The following PINX1 variants were observed in gnomAD, a reference collection of about 807,000 sequenced individuals.
PINX1 encodes PIN2/TERF1-interacting telomerase inhibitor 1.
PINX1 carries 34 observed loss-of-function variants against 25.4 expected under a neutral mutation model. That is an observed-to-expected ratio of 1.34 (90% confidence interval 1.02 to 1.78). The LOEUF is 1.78. PINX1 is among the 40% of genes most tolerant of loss of function. PINX1 has a pLI of 0.00. For synonymous variants in PINX1, 197 were observed against 147.7 expected (o/e 1.33, Z -2.42); for missense variants, 592 against 404.9 (o/e 1.46, Z -3.97).
chr8:10,838,274 T>C (rs1230615508), intron 1 of PINX1, among the ~76,000 whole-genome samples: 3 of 152,122 alleles, frequency 2.0e-5, no homozygotes, highest in African/African-American at 7.2e-5. Flanking sequence ...CTATACCCAT[T>C]TAGCAAATTA....
chr8:10,776,106 G>C (rs915042609), intron 6 of PINX1, among the ~76,000 whole-genome samples: 6 of 152,138 alleles, frequency 3.9e-5, no homozygotes, highest in Admixed American at 2.6e-4. Flanking sequence ...CTCAGTAAAA[G>C]GAGAAGGCAA....
chr8:10,767,632 G>C (rs1414201518), intron 6 of PINX1, among the ~76,000 whole-genome samples: 1 of 152,238 alleles, frequency 6.6e-6, no homozygotes, highest in Non-Finnish European at 1.5e-5. Context: ...GCACAGCAGA[G>C]TGAAGGATCT....
chr8:10,831,721 T>G lies in PINX1; in HGVS notation c.245A>C (p.Asp82Ala), dbSNP rs755676018. 6.3e-7 allele frequency: 1 copy of G among 1,597,196 alleles called. No individual in the cohort carries two copies. Among genetic ancestry groups the G allele is most frequent in the South Asian group, 1.1e-5 (1 of 87,996 alleles). ...TTCGGCCAGAAGCTGGTTAAAATCA[T>G]CCTGATGGGCAATCCAGTTGTCCTG... ...NNEDNWIAHQ[D>A]DFNQLLAELN... Residue 82 changes from aspartate (D) to alanine (A), a missense_variant, in exon 4 of 7, where the codon GAT becomes GCT. Coordinates refer to ENST00000314787, the MANE Select transcript of PINX1 (RefSeq NM_017884.6).
rs1798267298 is a variant in PINX1 at position 10,832,914 on chromosome 8, A to C, written c.200T>G (p.Leu67Arg). Reference protein sequence around the residue: ...KVQVKNNHLGLGATINNEDNW... With the variant: ...KVQVKNNHLGRGATINNEDNW... The stretch of plus-strand genomic sequence containing the variant: ...CACTTCATTATTGATGGTAGCTCCG[A>C]GTCCCAGGTGGTTATTTTTCACTTG... The change falls in exon 3 of 7, where the codon CTC becomes CGC. Residue 67 changes from leucine (L) to arginine (R), a missense_variant. Leu to Arg is a moderately radical substitution (Grantham distance 102). Coordinates refer to ENST00000314787, the MANE Select transcript of PINX1 (RefSeq NM_017884.6). 1.2e-6 allele frequency: 2 copies of C among 1,610,536 alleles called. No individual in the cohort carries two copies. The highest frequency in any genetic ancestry group is 1.7e-6 in the Non-Finnish European group (2 of 1,177,358).
At chr8:10,839,441 G>A (rs1242498382) in intron 1 of PINX1, among the ~76,000 whole-genome samples, 1 of 152,234 alleles carries the variant, frequency 6.6e-6, no homozygotes, top group East Asian at 1.9e-4. Context: ...AAGGGCGGCG[G>A]CGGGGCCAGT....
At chr8:10,826,353 G>A in intron 4 of PINX1, 109 bp from the exon 5 acceptor site, 1 of 591,170 alleles carries the variant, frequency 1.7e-6, no homozygotes. Context: ...TATCATTAAT[G>A]ATTGAACTCT....
intron 6 of PINX1, among the ~76,000 whole-genome samples, chr8:10,819,868 T>C (rs1797811387): frequency 6.6e-6 from 1 of 152,146 alleles, no homozygotes; most frequent in Non-Finnish European, 1.5e-5. Flanking sequence ...CCTCCCCTTC[T>C]CGGCCATGGA....
intron 6 of PINX1, chr8:10,787,509 A>C (rs1801789450): frequency 4.9e-6 from 1 of 206,126 alleles, no homozygotes; most frequent in Non-Finnish European, 9.8e-6. Context: ...TACAGGCGTG[A>C]GCTACCATGC....
At chr8:10,812,179 T>A (rs779527098) in intron 6 of PINX1, among the ~76,000 whole-genome samples, 1 of 152,244 alleles carries the variant, frequency 6.6e-6, no homozygotes, top group Non-Finnish European at 1.5e-5. Context: ...TTTGATCTCT[T>A]GTTTGGACAC....
In PINX1 at chr8:10,813,772, C is replaced by T. The variant is rs983766826; in HGVS notation, c.471+6421G>A. 4.6e-5 allele frequency among the ~76,000 whole-genome samples: 7 copies of T among 151,832 alleles called. No individual in the cohort carries two copies. In the East Asian group the frequency reaches 5.8e-4, roughly 13 times the overall value. On this transcript the variant is annotated intron_variant, in intron 6 of 6. Coordinates refer to ENST00000314787, the MANE Select transcript of PINX1 (RefSeq NM_017884.6). Reference sequence around the variant, plus strand: ...GCCAGAAGCATGCTAGACAGAGAAACGAAGTGAGAATGCTGGTAACACATT... The same window carrying T: ...GCCAGAAGCATGCTAGACAGAGAAATGAAGTGAGAATGCTGGTAACACATT...
intron 6 of PINX1, among the ~76,000 whole-genome samples, chr8:10,780,033 G>C (rs565406939): frequency 1.3e-5 from 2 of 152,166 alleles, no homozygotes; most frequent in Non-Finnish European, 2.9e-5. Flanking sequence ...GTCATTATCT[G>C]TGTATAGAGA....
intron 6 of PINX1, among the ~76,000 whole-genome samples, chr8:10,781,220 A>C (rs1452133552): frequency 6.6e-6 from 1 of 152,220 alleles, no homozygotes; most frequent in Non-Finnish European, 1.5e-5. Flanking sequence ...TAAAGACCTA[A>C]ACATAAGACC....
At chr8:10,839,590 A>T (rs1399642239) in intron 1 of PINX1, 148 bp downstream of exon 1, 4 of 776,592 alleles carry the variant, frequency 5.2e-6, no homozygotes. Flanking sequence ...GAGCAGGACA[A>T]TCAGAGCCGG....
At chr8:10,775,558 T>C (rs999813689) in intron 6 of PINX1, among the ~76,000 whole-genome samples, 28 of 152,090 alleles carry the variant, frequency 1.8e-4, no homozygotes, top group African/African-American at 6.3e-4. Context: ...TCCTAAAATA[T>C]TGTCAAACTA....
At chr8:10,768,099 A>C (rs12156169) in intron 6 of PINX1, among the ~76,000 whole-genome samples, 1 of 75,320 alleles carries the variant, frequency 1.3e-5, no homozygotes, top group African/African-American at 5.3e-5. Flanking sequence ...CGGTGACCAG[A>C]CACCCTCACA....
chr8:10,773,974 GT>G (rs1801309816), intron 6 of PINX1, among the ~76,000 whole-genome samples: 1 of 152,234 alleles, frequency 6.6e-6, no homozygotes, highest in African/African-American at 2.4e-5. Context: ...CTCAACTTCT[GT>G]GAATGATGTC....
intron 6 of PINX1, among the ~76,000 whole-genome samples, chr8:10,772,008 G>A (rs1236473625): frequency 6.6e-6 from 1 of 152,180 alleles, no homozygotes; most frequent in Admixed American, 6.5e-5. Flanking sequence ...AGTTGCCTTG[G>A]AGGGGACAAG....
intron 6 of PINX1, among the ~76,000 whole-genome samples, chr8:10,777,794 G>C (rs528853607): frequency 6.6e-6 from 1 of 152,138 alleles, no homozygotes; most frequent in African/African-American, 2.4e-5. Context: ...CACTCTGCCC[G>C]TCACTGCCTT....
intron 6 of PINX1, among the ~76,000 whole-genome samples, chr8:10,788,931 C>T (rs1250141849): frequency 1.4e-5 from 2 of 142,946 alleles, no homozygotes; most frequent in East Asian, 4.3e-4. Context: ...AAAACAGGAA[C>T]TGGTCCTAAC....
Sources: gnomAD v4.1 joint callset for allele counts (sites outside exome capture counted in the v4.1 genomes callset) on GRCh38, gnomAD v4.1.1 for gene constraint, MANE v1.5 for transcripts, NCBI Gene and HGNC (gene_info 2026-07-23, HGNC 2026-07-21) for gene names.